Variants in PACS1 observed in about 807,000 individuals in gnomAD.
PACS1 encodes PACS-1.
Under a neutral mutation model 115.0 loss-of-function variants are expected in PACS1, and 24 were observed. That is an observed-to-expected ratio of 0.21 (90% CI 0.15 to 0.29). The LOEUF (loss-of-function observed/expected upper bound fraction) is 0.29, where lower values mean the gene tolerates loss of function less well. PACS1 is among the 10% of genes least tolerant of loss of function. PACS1 has a pLI of 1.00. For missense variants in PACS1, 838 were observed against 1,251.2 expected, an observed-to-expected ratio of 0.67 and a Z score of 4.98; for synonymous variants, 453 against 504.5, an observed-to-expected ratio of 0.90 and a Z score of 1.37.
intron 2 of PACS1, among the ~76,000 whole-genome samples, chr11:66,209,262 T>C (rs528987979): frequency 9.4e-4 from 142 of 151,168 alleles, no homozygotes; most frequent in African/African-American, 2.8e-3. Flanking sequence ...GACAAGACAG[T>C]ATGCCTGGGG....
chr11:66,158,935 T>G (rs1291319717), intron 1 of PACS1, among the ~76,000 whole-genome samples: 2 of 152,202 alleles, frequency 1.3e-5, no homozygotes, highest in Non-Finnish European at 2.9e-5. Flanking sequence ...TCATGAAATT[T>G]TGTGACACTG....
intron 4 of PACS1, 112 bp from the exon 5 acceptor site, chr11:66,216,007 A>T (rs1037571841): frequency 1.5e-5 from 13 of 856,554 alleles, no homozygotes; most frequent in Non-Finnish European, 2.2e-5. Context: ...AAAGTAAGGA[A>T]GAAAACGTAT....
chr11:66,150,615 G>GTGT (rs1565125387), intron 1 of PACS1, among the ~76,000 whole-genome samples: 2 of 152,148 alleles, frequency 1.3e-5, no homozygotes, highest in African/African-American at 4.8e-5. Flanking sequence ...ACTTGAAAAC[G>GTGT]TGTTACTTTT....
At chr11:66,074,996 G>A (rs1205899201) in intron 1 of PACS1, among the ~76,000 whole-genome samples, 1 of 125,290 alleles carries the variant, frequency 8.0e-6, no homozygotes, top group Admixed American at 1.0e-4. Flanking sequence ...AGGCTGGAGT[G>A]CAGTGGTGCA....
chr11:66,181,243 ACT>A lies in PACS1; in HGVS notation c.357-12240_357-12239del, dbSNP rs1860004380. The stretch of plus-strand genomic sequence containing the variant: ...TTTATTTTTTTTGAGATAGAGTCTC[ACT>A]CTGTCTCCCAGGCTGGAGTGCAGTG... On this transcript the variant is annotated intron_variant, in intron 1 of 23. Transcript: ENST00000320580. 2.7e-5 allele frequency among the ~76,000 whole-genome samples: 4 copies of A among 150,022 alleles called. No homozygotes were observed. The South Asian group carries it at 8.4e-4, about 32-fold the overall frequency.
At chr11:66,232,131 A>G (rs2134737863) in intron 13 of PACS1, 41 bp from the exon 14 acceptor site, 1 of 1,330,994 alleles carries the variant, frequency 7.5e-7, no homozygotes, top group South Asian at 1.2e-5. Context: ...CAGGCTCCCC[A>G]GGGACTCCCT....
intron 1 of PACS1, among the ~76,000 whole-genome samples, chr11:66,079,578 A>G (rs1857450526): frequency 6.6e-6 from 1 of 152,086 alleles, no homozygotes; most frequent in Non-Finnish European, 1.5e-5. Flanking sequence ...GAAAGTAACC[A>G]CTAGTGGCAG....
intron 1 of PACS1, among the ~76,000 whole-genome samples, chr11:66,138,781 C>G (rs780914825): frequency 1.3e-5 from 2 of 151,682 alleles, no homozygotes; most frequent in Non-Finnish European, 2.9e-5. Flanking sequence ...CTCCCGGGTT[C>G]AAGTGATTCT....
Position 66,233,919 on chromosome 11 carries a change from G to A in PACS1, c.1973G>A (p.Arg658His), listed in dbSNP as rs757068332. Residue 658 changes from arginine (R) to histidine (H), a missense_variant, in exon 16 of 24, where the codon CGC (arginine) becomes CAC (histidine). Coordinates refer to ENST00000320580, the MANE Select transcript of PACS1 (RefSeq NM_018026.4). This position sits in a 1 kb window ranked among gnomAD's most constrained non-coding sequence, Gnocchi z 4.5. Reference protein sequence around the residue: ...NKTSDWLGYMRFLIIPLGSHP... With the variant: ...NKTSDWLGYMHFLIIPLGSHP... ...ACCTCCGACTGGCTTGGCTACATGC[G>A]CTTCCTCATCATCCCCCTCGGTAAA... 4 of 1,579,140 alleles carry A rather than the reference G, an allele frequency of 2.5e-6. 1 individual carries two copies. Among genetic ancestry groups the A allele is most frequent in the South Asian group, 2.3e-5 (2 of 85,766 alleles).
At position 66,178,598 on chromosome 11, in the gene PACS1, T is replaced by G. The variant is rs185962322; in HGVS notation, c.357-14888T>G. Among the ~76,000 whole-genome samples the G allele has an allele frequency of 1.8e-4, 27 of 152,320 alleles. 1 individual carries two copies. The highest frequency in any genetic ancestry group is 1.5e-3 in the Admixed American group (23 of 15,298). ...AAATAGAAATGTTTTAAATGTTTACTTAGTAACTCATTTAGAATAACAATT... is the reference window on the plus strand; with the variant it reads ...AAATAGAAATGTTTTAAATGTTTACGTAGTAACTCATTTAGAATAACAATT... On this transcript the variant is annotated intron_variant, in intron 1 of 23. Coordinates refer to ENST00000320580, the MANE Select transcript of PACS1 (RefSeq NM_018026.4).
chr11:66,132,451 GA>G (rs1292408609), intron 1 of PACS1, among the ~76,000 whole-genome samples: 1 of 152,126 alleles, frequency 6.6e-6, no homozygotes, highest in Non-Finnish European at 1.5e-5. Flanking sequence ...AAAATCCACA[GA>G]TGCTTAAGTT....
At chr11:66,086,613 A>T (rs1857574936) in intron 1 of PACS1, among the ~76,000 whole-genome samples, 1 of 152,044 alleles carries the variant, frequency 6.6e-6, no homozygotes, top group Admixed American at 6.6e-5. Context: ...AAAAGCAAAA[A>T]CACCTTTTTT....
At position 66,242,955 on chromosome 11, in the gene PACS1, G is replaced by A; in HGVS notation, c.2700G>A (p.Val900=). 1 of 1,613,938 alleles carries A rather than the reference G, an allele frequency of 6.2e-7. No individual in the cohort carries two copies. The highest frequency in any genetic ancestry group is 8.5e-7 in the Non-Finnish European group (1 of 1,179,932). The change falls in exon 23 of 24, where the codon GTG becomes GTA. Residue 900 remains valine, a synonymous_variant. Coordinates refer to ENST00000320580, the MANE Select transcript of PACS1 (RefSeq NM_018026.4). ...GCAAGAAACCCCGAGAAAAGGAGGT[G>A]GATTCTAAGAGCCAGGTCATTGAAG... The part of the protein sequence containing the change: ...FLSKKPREKE[V]DSKSQVIEGI...
intron 1 of PACS1, among the ~76,000 whole-genome samples, chr11:66,107,474 A>G (rs1337802817): frequency 6.6e-6 from 1 of 152,192 alleles, no homozygotes; most frequent in African/African-American, 2.4e-5. Context: ...TTCCAGGTAG[A>G]ATGAAAGCTC....
chr11:66,211,124 T>C lies in PACS1; in HGVS notation c.535-10T>C, dbSNP rs1030544209. ...ATTAACCACGCTCGACTCTGTTTTG[T>C]ATTTCGTAGTACCCTCATTTCCTTA... On this transcript the variant is annotated splice_polypyrimidine_tract_variant and intron_variant, in intron 3 of 23. Transcript: ENST00000320580. 3.1e-6 allele frequency: 5 copies of C among 1,613,144 alleles called. No homozygotes were observed. The African/African-American group carries it at 5.3e-5, about 17-fold the overall frequency.
At chr11:66,180,819 T>G (rs1467945492) in intron 1 of PACS1, among the ~76,000 whole-genome samples, 1 of 151,848 alleles carries the variant, frequency 6.6e-6, no homozygotes, top group Non-Finnish European at 1.5e-5. Flanking sequence ...CCACCATACT[T>G]AACAGATTTT....
intron 2 of PACS1, among the ~76,000 whole-genome samples, chr11:66,199,863 C>A (rs1854738121): frequency 6.6e-6 from 1 of 151,334 alleles, no homozygotes; most frequent in African/African-American, 2.4e-5. Context: ...ACTAAAAATA[C>A]AAAAAATTAG....
At chr11:66,121,982 G>A (rs1370447864) in intron 1 of PACS1, among the ~76,000 whole-genome samples, 1 of 152,242 alleles carries the variant, frequency 6.6e-6, no homozygotes, top group Non-Finnish European at 1.5e-5. Context: ...AGATGAAAGA[G>A]TGTTCTGTTG....
chr11:66,112,457 C>CCT (rs1159782568), intron 1 of PACS1, among the ~76,000 whole-genome samples: 1 of 152,204 alleles, frequency 6.6e-6, no homozygotes, highest in African/African-American at 2.4e-5. Context: ...ACAGGCCTTC[C>CCT]CTCGCTGCGC....
Sources: gnomAD v4.1 joint callset for allele counts (sites outside exome capture counted in the v4.1 genomes callset) on GRCh38, gnomAD v4.1.1 for gene constraint, Gnocchi (gnomAD v3.1) non-coding constraint, MANE v1.5 for transcripts, NCBI Gene and HGNC (gene_info 2026-07-23, HGNC 2026-07-21) for gene names.